Variants in NPAS3 observed in about 807,000 individuals in gnomAD.
NPAS3 encodes neuronal PAS domain protein 3.
A neutral mutation model predicts 73.1 loss-of-function variants in NPAS3; 14 were observed. The observed-to-expected ratio is 0.19, with a 90% confidence interval of 0.13 to 0.30. The LOEUF is 0.30. Ranked by LOEUF, NPAS3 falls within the 10% of genes least tolerant of loss-of-function variation. The pLI, the probability that NPAS3 is intolerant of heterozygous loss-of-function variation, is 1.00. For missense variants in NPAS3, 1,096 were observed against 1,250.0 expected, an observed-to-expected ratio of 0.88 and a Z score of 1.86; for synonymous variants, 620 against 541.5, an observed-to-expected ratio of 1.14 and a Z score of -2.01.
intron 4 of NPAS3, among the ~76,000 whole-genome samples, chr14:33,424,268 GCTTAGA>G (rs1488479559): frequency 6.6e-6 from 1 of 151,984 alleles, no homozygotes; most frequent in Non-Finnish European, 1.5e-5. Flanking sequence ...GGGCCCAGTG[GCTTAGA>G]CTTAAAAGAA....
chr14:33,026,175 T>A (rs1188564153), intron 1 of NPAS3, among the ~76,000 whole-genome samples: 1 of 152,204 alleles, frequency 6.6e-6, no homozygotes, highest in Non-Finnish European at 1.5e-5. Context: ...CATTATTCCA[T>A]GCAAAAACAT....
At position 33,800,319 on chromosome 14, in the gene NPAS3, G is replaced by A. The variant is rs775712003; in HGVS notation, c.2012G>A (p.Arg671Gln). 3.1e-6 allele frequency: 5 copies of A among 1,613,210 alleles called. No individual in the cohort carries two copies. The highest frequency in any genetic ancestry group is 4.5e-5 in the East Asian group (2 of 44,828). ...AGCATCTGGAACTACCCGCCCAACC[G>A]GGAGATCTCCAGGAACGAGTCCCCC... The change falls in exon 12 of 12, where the codon CGG (arginine) becomes CAG (glutamine). Residue 671 changes from arginine (R) to glutamine (Q), a missense_variant. By Grantham distance (43) the Arg-to-Gln change is conservative (BLOSUM62 1). This residue lies in a region of NPAS3 where 698 missense variants were observed against 676.7 expected (regional missense o/e 1.03). Coordinates refer to ENST00000356141, the Ensembl canonical transcript of NPAS3. The surrounding 1 kb of genome is among the most constrained non-coding windows in gnomAD (Gnocchi z 6.5).
intron 4 of NPAS3, among the ~76,000 whole-genome samples, chr14:33,396,425 A>G (rs1311050015): frequency 6.6e-6 from 1 of 152,202 alleles, no homozygotes; most frequent in Non-Finnish European, 1.5e-5. Flanking sequence ...TAAATACTAC[A>G]GCGTTCTCTA....
intron 1 of NPAS3, among the ~76,000 whole-genome samples, chr14:32,981,703 G>T (rs555142776): frequency 1.3e-5 from 2 of 152,178 alleles, no homozygotes; most frequent in African/African-American, 4.8e-5. Flanking sequence ...GATGTGTCTC[G>T]AGTTTTCTTA....
At chr14:33,009,508 A>G (rs2039116631) in intron 1 of NPAS3, among the ~76,000 whole-genome samples, 1 of 152,172 alleles carries the variant, frequency 6.6e-6, no homozygotes, top group Non-Finnish European at 1.5e-5. Context: ...AGAAGAGCCT[A>G]ATGTAGTAAT....
intron 3 of NPAS3, among the ~76,000 whole-genome samples, chr14:33,348,128 G>A (rs1161956365): frequency 1.3e-5 from 2 of 152,166 alleles, no homozygotes; most frequent in Non-Finnish European, 2.9e-5. Context: ...CTATGAACAA[G>A]CATTTTAGAG....
chr14:33,380,088 A>G (rs1198959692), intron 4 of NPAS3, among the ~76,000 whole-genome samples: 1 of 151,920 alleles, frequency 6.6e-6, no homozygotes, highest in East Asian at 1.9e-4. Context: ...ATAAGCAAAG[A>G]GAAGAAAATA....
chr14:33,410,864 T>C (rs758932786), intron 4 of NPAS3, among the ~76,000 whole-genome samples: 6 of 152,204 alleles, frequency 3.9e-5, no homozygotes, highest in Non-Finnish European at 7.3e-5. Context: ...CAGGCTGGTC[T>C]CAAACTCCTG....
chr14:33,175,467 A>C (rs2045553150), intron 2 of NPAS3, among the ~76,000 whole-genome samples: 4 of 152,208 alleles, frequency 2.6e-5, no homozygotes, highest in Admixed American at 2.6e-4. Context: ...AAAAGGAAAC[A>C]AAATAAAATG....
intron 9 of NPAS3, among the ~76,000 whole-genome samples, chr14:33,790,988 T>C (rs1348149271): frequency 6.6e-6 from 1 of 152,242 alleles, no homozygotes; most frequent in Non-Finnish European, 1.5e-5. Flanking sequence ...GGGTGATTTT[T>C]TGGTAAACAT....
intron 5 of NPAS3, among the ~76,000 whole-genome samples, chr14:33,594,211 C>T (rs191629145): frequency 6.6e-6 from 1 of 152,330 alleles, no homozygotes; most frequent in East Asian, 1.9e-4. Context: ...TATCTTCCTA[C>T]ATACTTTAAA....
At chr14:33,201,155 G>A (rs1048407462) in intron 2 of NPAS3, among the ~76,000 whole-genome samples, 3 of 152,306 alleles carry the variant, frequency 2.0e-5, no homozygotes, top group African/African-American at 2.4e-5. Flanking sequence ...ACCATCCTGG[G>A]ACACTTAATA....
At chr14:33,522,704 T>G (rs2053610321) in intron 4 of NPAS3, among the ~76,000 whole-genome samples, 2 of 152,102 alleles carry the variant, frequency 1.3e-5, no homozygotes, top group African/African-American at 4.8e-5. Flanking sequence ...TATTAGCCAT[T>G]TTTATGGTAT....
Position 33,322,751 on chromosome 14 carries a change from C to T in NPAS3, c.386-44435C>T, listed in dbSNP as rs113267434. 6.8e-3 allele frequency among the ~76,000 whole-genome samples: 1,042 copies of T among 152,128 alleles called. 4 individuals carry two copies. Among genetic ancestry groups the T allele is most frequent in the Middle Eastern group, 0.017 (5 of 294 alleles). ...AGTAGGTGAACCAAAAACCCAAAGA[C>T]GGATAGATCCAAAGGAATGACTTGG... On this transcript the variant is annotated intron_variant, in intron 3 of 11. Coordinates refer to ENST00000356141, the Ensembl canonical transcript of NPAS3.
intron 6 of NPAS3, among the ~76,000 whole-genome samples, chr14:33,692,376 C>A (rs1167269387): frequency 2.0e-5 from 3 of 152,064 alleles, no homozygotes; most frequent in Non-Finnish European, 4.4e-5. Flanking sequence ...TTACCCTGAG[C>A]TTGACGTATA....
chr14:33,231,884 G>T (rs528236915), intron 3 of NPAS3, among the ~76,000 whole-genome samples: 3 of 152,208 alleles, frequency 2.0e-5, no homozygotes, highest in African/African-American at 7.2e-5. Flanking sequence ...TAGGCAAATG[G>T]TTCAAGAAGC....
At chr14:33,025,801 A>G (rs903318026) in intron 1 of NPAS3, among the ~76,000 whole-genome samples, 6 of 152,068 alleles carry the variant, frequency 3.9e-5, no homozygotes, top group Admixed American at 1.3e-4. Context: ...CCATGATTGT[A>G]AGTTTCCTGA....
At chr14:33,508,581 C>T (rs187161178) in intron 4 of NPAS3, among the ~76,000 whole-genome samples, 16 of 152,142 alleles carry the variant, frequency 1.1e-4, no homozygotes, top group Middle Eastern at 3.4e-3. Context: ...AAGCCAACCA[C>T]ACACAGGGCT....
Position 33,558,748 on chromosome 14 carries a change from C to T in NPAS3, c.469-1373C>T, listed in dbSNP as rs570704970. ...ACATATTTCTAACTAAATTTACACG[C>T]TTCTTCCACCTTTCTATATTTTACA... is the stretch of plus-strand genomic sequence containing the variant. On this transcript the variant is annotated intron_variant, in intron 4 of 11. Coordinates refer to ENST00000356141, the Ensembl canonical transcript of NPAS3. Among the ~76,000 whole-genome samples the T allele has an allele frequency of 3.2e-4, 48 of 151,858 alleles. No individual in the cohort carries two copies. In the Middle Eastern group the frequency reaches 0.017, roughly 54 times the overall value.
Sources: allele counts gnomAD v4.1 joint callset (sites outside exome capture counted in the v4.1 genomes callset), GRCh38; gene constraint gnomAD v4.1.1; regional missense constraint gnomAD v4.1.1; non-coding constraint Gnocchi (gnomAD v3.1); transcripts MANE v1.5; gene names NCBI Gene and HGNC (gene_info 2026-07-23, HGNC 2026-07-21).